DENND4C: variants seen among roughly 807,000 people sequenced by gnomAD.
DENND4C encodes DENN domain containing 4C.
DENND4C carries 108 observed loss-of-function variants against 203.0 expected under a neutral mutation model. The ratio of observed to expected loss-of-function variants is 0.53; its 90% CI spans 0.46 to 0.62. The LOEUF is 0.62. Among genes scored for constraint, DENND4C ranks in the 20% least tolerant of loss-of-function variants. The pLI is 0.00. For missense variants in DENND4C, 2,481 were observed against 2,301.2 expected (o/e 1.08, Z -1.60); for synonymous variants, 871 against 792.4 (o/e 1.10, Z -1.67).
chr9:19,231,282 C>T (rs1016933846), intron 1 of DENND4C, among the ~76,000 whole-genome samples: 7 of 151,490 alleles, frequency 4.6e-5, no homozygotes, highest in Non-Finnish European at 8.8e-5. Flanking sequence ...CGGGCAGTCT[C>T]GAGAGGAGTC....
At chr9:19,305,832 T>C (rs1340401351) in intron 10 of DENND4C, among the ~76,000 whole-genome samples, 1 of 152,240 alleles carries the variant, frequency 6.6e-6, no homozygotes, top group African/African-American at 2.4e-5. Flanking sequence ...CTTTCAGAGC[T>C]CAAGAGATGA....
chr9:19,372,882 A>G lies in DENND4C; in HGVS notation c.*709A>G, dbSNP rs549575282. 6.7e-6 allele frequency: 1 copy of G among 149,076 alleles called. No homozygotes were observed. The highest frequency in any genetic ancestry group is 1.5e-5 in the Non-Finnish European group (1 of 67,388). The allele number at this position is 149,076 out of a possible 1,614,324, so 9.2% of individuals were successfully genotyped here. On this transcript the variant is annotated 3_prime_UTR_variant, in exon 33 of 33. Coordinates refer to ENST00000434457, the MANE Select transcript of DENND4C (RefSeq NM_001330640.2). ...TCAAAAAAAAAAAAAAAAAAAAAAG[A>G]GAGCAACATATTTGTGTAAGTTTGT...
chr9:19,352,277 C>G (rs1410559061), intron 25 of DENND4C, 95 bp downstream of exon 25: 9 of 1,213,538 alleles, frequency 7.4e-6, no homozygotes, highest in Non-Finnish European at 1.1e-5. Flanking sequence ...CCCTTGTGGA[C>G]AGTATAATAA....
intron 1 of DENND4C, among the ~76,000 whole-genome samples, chr9:19,274,316 A>G (rs10964078): frequency 0.24 from 36,447 of 150,796 alleles, 4,652 homozygotes; most frequent in East Asian, 0.44. Flanking sequence ...TTTTTTTGAG[A>G]TGGAATTTTG....
At chr9:19,271,972 C>CATGT (rs1034786835) in intron 1 of DENND4C, among the ~76,000 whole-genome samples, 16 of 151,884 alleles carry the variant, frequency 1.1e-4, no homozygotes, top group African/African-American at 3.6e-4. Context: ...TAATCAGAAC[C>CATGT]ATGTAGTACT....
At chr9:19,371,910 A>C (rs1056387322) in intron 32 of DENND4C, 90 bp downstream of exon 32, 1 of 1,315,812 alleles carries the variant, frequency 7.6e-7, no homozygotes, top group Non-Finnish European at 1.1e-6. Context: ...TGTATAAAAG[A>C]TTTAAAAGAT....
chr9:19,342,536 T>C (rs1821891010), intron 21 of DENND4C, 97 bp from the exon 22 acceptor site: 7 of 1,311,264 alleles, frequency 5.3e-6, no homozygotes, highest in African/African-American at 1.5e-5. Flanking sequence ...ACACTGACTG[T>C]TGGAGAAAAA....
At position 19,358,067 on chromosome 9, in the gene DENND4C, T is replaced by C. The variant is rs1825760984; in HGVS notation, c.5067T>C (p.Ser1689=). ...ATGTGTCTTTGACTCGAAGTCACAGTGTTGGAGGCCCATTGCAGAATATTG... is the reference window on the plus strand; with the variant it reads ...ATGTGTCTTTGACTCGAAGTCACAGCGTTGGAGGCCCATTGCAGAATATTG... The part of the protein sequence containing the change: ...KRNVSLTRSH[S]VGGPLQNIDF... Residue 1689 remains serine (S), a synonymous_variant, in exon 28 of 33, where the codon AGT becomes AGC. Coordinates refer to ENST00000434457, the MANE Select transcript of DENND4C (RefSeq NM_001330640.2). The surrounding 1 kb of genome is among the most constrained non-coding windows in gnomAD (Gnocchi z 4.8). 6.2e-7 allele frequency: 1 copy of C among 1,613,992 alleles called. No homozygotes were observed. The highest frequency in any genetic ancestry group is 8.5e-7 in the Non-Finnish European group (1 of 1,179,860).
At chr9:19,236,614 G>A (rs1314226641) in intron 1 of DENND4C, among the ~76,000 whole-genome samples, 1 of 152,218 alleles carries the variant, frequency 6.6e-6, no homozygotes, top group African/African-American at 2.4e-5. Context: ...AGCAGTTTGA[G>A]TGAGACCGCA....
intron 1 of DENND4C, among the ~76,000 whole-genome samples, chr9:19,275,445 C>A (rs1246458150): frequency 1.3e-5 from 2 of 151,480 alleles, no homozygotes; most frequent in Non-Finnish European, 2.9e-5. Context: ...AGGCGCACAC[C>A]ACCACGCCTG....
intron 4 of DENND4C, among the ~76,000 whole-genome samples, chr9:19,290,020 T>C (rs1835964756): frequency 6.6e-6 from 1 of 152,156 alleles, no homozygotes. Flanking sequence ...GAGTTTTAGA[T>C]ACTGAATTTG....
intron 1 of DENND4C, among the ~76,000 whole-genome samples, chr9:19,255,650 TAAAG>T (rs1435553466): frequency 6.6e-6 from 1 of 152,166 alleles, no homozygotes; most frequent in African/African-American, 2.4e-5. Context: ...TTTATAATGA[TAAAG>T]GAATTAGTTG....
intron 1 of DENND4C, among the ~76,000 whole-genome samples, chr9:19,231,666 A>G (rs983403709): frequency 6.6e-6 from 1 of 151,112 alleles, no homozygotes; most frequent in Non-Finnish European, 1.5e-5. Flanking sequence ...CCCCTTATGT[A>G]TGTTTGTCAC....
chr9:19,313,168 C>G (rs1841082896), intron 10 of DENND4C, among the ~76,000 whole-genome samples: 1 of 151,840 alleles, frequency 6.6e-6, no homozygotes, highest in Admixed American at 6.6e-5. Context: ...AATGATTCCT[C>G]TTAATTTTTT....
intron 1 of DENND4C, among the ~76,000 whole-genome samples, chr9:19,272,664 A>T (rs575574810): frequency 3.3e-5 from 5 of 152,332 alleles, no homozygotes; most frequent in African/African-American, 1.2e-4. Flanking sequence ...TTTAAAATGT[A>T]TCGTAGACCT....
At chr9:19,303,351 GAATCCTGCCTGCCA>G (rs1012609365) in intron 9 of DENND4C, among the ~76,000 whole-genome samples, 5 of 151,912 alleles carry the variant, frequency 3.3e-5, no homozygotes, top group Admixed American at 3.3e-4. Context: ...AATGGTGGCC[GAATCCTGCCTGCCA>G]AATCCTGCCT....
intron 1 of DENND4C, among the ~76,000 whole-genome samples, chr9:19,256,215 C>G (rs1384590422): frequency 6.6e-6 from 1 of 150,862 alleles, no homozygotes; most frequent in Non-Finnish European, 1.5e-5. Context: ...CAGAAAGATT[C>G]TTGGAAAATT....
chr9:19,348,409 G>C (rs901868419), intron 23 of DENND4C, among the ~76,000 whole-genome samples: 3 of 152,146 alleles, frequency 2.0e-5, no homozygotes, highest in Admixed American at 6.5e-5. Flanking sequence ...AGCAAAGCAG[G>C]TGATATCTAA....
At chr9:19,357,790 T>G in intron 27 of DENND4C, 175 bp from the exon 28 acceptor site, 2 of 536,740 alleles carry the variant, frequency 3.7e-6, no homozygotes, top group Non-Finnish European at 6.5e-6. Context: ...CCATCCTGTT[T>G]TTCTGACCAG....
Sources: allele counts gnomAD v4.1 joint callset (sites outside exome capture counted in the v4.1 genomes callset), GRCh38; gene constraint gnomAD v4.1.1; non-coding constraint Gnocchi (gnomAD v3.1); transcripts MANE v1.5; gene names NCBI Gene and HGNC (gene_info 2026-07-23, HGNC 2026-07-21).